Variants in GRM8 observed in about 807,000 individuals in gnomAD.
GRM8 encodes metabotropic glutamate receptor 8.
A neutral mutation model predicts 87.2 loss-of-function variants in GRM8; 47 were observed. The ratio of observed to expected loss-of-function variants is 0.54; its 90% CI spans 0.43 to 0.69. The LOEUF (loss-of-function observed/expected upper bound fraction) is 0.69, where lower values mean the gene tolerates loss of function less well. GRM8 is among the 30% of genes least tolerant of loss of function. GRM8 has a pLI of 0.00. For missense variants in GRM8, 1,019 were observed against 1,139.2 expected, an observed-to-expected ratio of 0.89 and a Z score of 1.52; for synonymous variants, 396 against 404.5, an observed-to-expected ratio of 0.98 and a Z score of 0.25.
chr7:127,165,139 CAGATATAT>C (rs1793357982), intron 2 of GRM8, among the ~76,000 whole-genome samples: 1 of 61,654 alleles, frequency 1.6e-5, no homozygotes, highest in East Asian at 5.9e-4. Flanking sequence ...AACATGTAAA[CAGATATAT>C]ATATATATAT....
chr7:126,725,735 G>C (rs965613559), intron 7 of GRM8, among the ~76,000 whole-genome samples: 1 of 152,182 alleles, frequency 6.6e-6, no homozygotes, highest in Non-Finnish European at 1.5e-5. Flanking sequence ...GAAGCACGGC[G>C]TTGGCATCTG....
intron 7 of GRM8, among the ~76,000 whole-genome samples, chr7:126,739,609 T>A (rs927899950): frequency 5.3e-5 from 8 of 152,252 alleles, no homozygotes; most frequent in African/African-American, 1.9e-4. Context: ...ATTTTCCTAA[T>A]GCAATCTTCT....
At chr7:127,057,158 A>C (rs928142731) in intron 3 of GRM8, among the ~76,000 whole-genome samples, 1 of 152,016 alleles carries the variant, frequency 6.6e-6, no homozygotes, top group Non-Finnish European at 1.5e-5. Context: ...AGAAAGAGTT[A>C]CCAAAACTTT....
intron 6 of GRM8, among the ~76,000 whole-genome samples, chr7:126,794,272 T>C (rs1821710841): frequency 6.6e-6 from 1 of 152,154 alleles, no homozygotes; most frequent in African/African-American, 2.4e-5. Context: ...TGGAATGCAT[T>C]CTCACAGCCA....
intron 9 of GRM8, among the ~76,000 whole-genome samples, chr7:126,499,797 G>T (rs1301414828): frequency 6.6e-6 from 1 of 151,928 alleles, no homozygotes; most frequent in Non-Finnish European, 1.5e-5. Flanking sequence ...AGGCTGGGGG[G>T]AGGTGGGTGG....
chr7:126,517,890 A>T (rs1812409690), intron 9 of GRM8, among the ~76,000 whole-genome samples: 1 of 152,120 alleles, frequency 6.6e-6, no homozygotes, highest in South Asian at 2.1e-4. Flanking sequence ...CCATATTTGA[A>T]TTAAGTCTTA....
chr7:126,892,304 G>T (rs369043817), intron 6 of GRM8, among the ~76,000 whole-genome samples: 1 of 151,326 alleles, frequency 6.6e-6, no homozygotes, highest in Admixed American at 6.6e-5. Flanking sequence ...ACCCCACAAC[G>T]GTCCCCAGAG....
intron 7 of GRM8, among the ~76,000 whole-genome samples, chr7:126,684,762 G>A (rs950264632): frequency 1.3e-5 from 2 of 152,220 alleles, no homozygotes; most frequent in Admixed American, 1.3e-4. Flanking sequence ...TAGTTTAGGA[G>A]ATGGGAGCCC....
At chr7:126,581,904 C>G (rs535751521) in intron 8 of GRM8, among the ~76,000 whole-genome samples, 1 of 152,226 alleles carries the variant, frequency 6.6e-6, no homozygotes, top group South Asian at 2.1e-4. Context: ...TGTGTTCTGA[C>G]TGCTCAATGA....
At chr7:126,531,210 T>C (rs1814767683) in intron 9 of GRM8, among the ~76,000 whole-genome samples, 1 of 152,216 alleles carries the variant, frequency 6.6e-6, no homozygotes, top group Non-Finnish European at 1.5e-5. Flanking sequence ...ATTCAACATT[T>C]CCATGACTAA....
intron 7 of GRM8, among the ~76,000 whole-genome samples, chr7:126,752,976 G>T (rs1216190929): frequency 6.6e-6 from 1 of 152,062 alleles, no homozygotes; most frequent in African/African-American, 2.4e-5. Flanking sequence ...ATTGTGGTTT[G>T]CTCATTCAGC....
chr7:126,505,977 GC>G (rs1363787239), intron 9 of GRM8, among the ~76,000 whole-genome samples: 1 of 151,866 alleles, frequency 6.6e-6, no homozygotes, highest in Non-Finnish European at 1.5e-5. Flanking sequence ...CGCATCTTTT[GC>G]CCTGTCTCCC....
intron 3 of GRM8, among the ~76,000 whole-genome samples, chr7:126,954,749 A>T (rs1463895559): frequency 6.6e-6 from 1 of 152,210 alleles, no homozygotes; most frequent in Non-Finnish European, 1.5e-5. Flanking sequence ...TAATCTATAC[A>T]GTACCTGGAA....
intron 7 of GRM8, among the ~76,000 whole-genome samples, chr7:126,652,231 G>A (rs568236388): frequency 6.6e-6 from 1 of 152,150 alleles, no homozygotes; most frequent in African/African-American, 2.4e-5. Context: ...TTTGGGTTGG[G>A]GATTGGTGCA....
chr7:126,924,415 G>T (rs116263290), intron 3 of GRM8, among the ~76,000 whole-genome samples: 1 of 152,146 alleles, frequency 6.6e-6, no homozygotes, highest in Non-Finnish European at 1.5e-5. Flanking sequence ...CTACAACAGG[G>T]ATTAGACTGC....
chr7:126,662,105 G>A (rs1805241488), intron 7 of GRM8, among the ~76,000 whole-genome samples: 1 of 152,102 alleles, frequency 6.6e-6, no homozygotes, highest in Non-Finnish European at 1.5e-5. Flanking sequence ...TTTGTAACAG[G>A]TTCTTCAAGT....
At position 126,544,451 on chromosome 7, in the gene GRM8, G is replaced by A. The variant is rs1026957486; in HGVS notation, c.1495-10564C>T. 9.2e-5 allele frequency among the ~76,000 whole-genome samples: 14 copies of A among 152,086 alleles called. 1 individual carries two copies. The South Asian group carries it at 1.7e-3, about 18-fold the overall frequency. On this transcript the variant is annotated intron_variant, in intron 8 of 10. Transcript: ENST00000339582. ...TTTGAGGAGACTAAGTACCCTGACC[G>A]CATACCTCACAAGGATGTTTGGAAG...
chr7:126,816,732 TTG>T (rs3038866), intron 6 of GRM8, among the ~76,000 whole-genome samples: 4,354 of 145,834 alleles, frequency 0.03, 75 homozygotes, highest in East Asian at 0.054. Context: ...GTATATGATT[TTG>T]TGTGTGTGTG....
chr7:126,744,239 T>A (rs1585750471), intron 7 of GRM8, among the ~76,000 whole-genome samples: 2 of 152,188 alleles, frequency 1.3e-5, no homozygotes, highest in Admixed American at 6.6e-5. Flanking sequence ...TTTAATGGCA[T>A]GTTTTTTCTT....
Sources: gnomAD v4.1 joint callset for allele counts (sites outside exome capture counted in the v4.1 genomes callset) on GRCh38, gnomAD v4.1.1 for gene constraint, MANE v1.5 for transcripts, NCBI Gene and HGNC (gene_info 2026-07-23, HGNC 2026-07-21) for gene names.